IL18R1: variants seen among roughly 807,000 people sequenced by gnomAD.
IL18R1 encodes the protein interleukin 18 receptor 1.
Under a neutral mutation model 48.5 loss-of-function variants are expected in IL18R1, and 40 were observed. That is an observed-to-expected ratio of 0.82 (90% CI 0.64 to 1.07). The LOEUF is 1.07. IL18R1 is among the 50% of genes least tolerant of loss of function. The probability of loss-of-function intolerance (pLI) is 0.00; values close to 1 mark genes in which losing one functional copy is unlikely to be tolerated. For missense variants in IL18R1, 596 were observed against 633.7 expected, an observed-to-expected ratio of 0.94 and a Z score of 0.64; for synonymous variants, 232 against 225.9, an observed-to-expected ratio of 1.03 and a Z score of -0.24.
Position 102,384,897 on chromosome 2 carries a change from C to G in IL18R1, c.708C>G (p.Asn236Lys), listed in dbSNP as rs1268465353. The G allele has an allele frequency of 1.2e-6, 2 of 1,610,200 alleles. No individual in the cohort carries two copies. Among genetic ancestry groups the G allele is most frequent in the Non-Finnish European group, 1.7e-6 (2 of 1,177,700 alleles). The change falls in exon 7 of 11, where the codon AAC becomes AAG. Residue 236 changes from asparagine (N) to lysine (K), a missense_variant. Physicochemically the swap from Asn to Lys is moderately conservative, Grantham distance 94. Around this residue, in one of 3 missense-constraint regions of IL18R1, gnomAD observed 360 missense variants for 339.4 expected, o/e 1.06. Transcript: ENST00000233957. ...TACCAGGAAAAAACGTAAGGCTCAA[C>G]TGCTCTGCTTTGCTGAATGAAGAGG... ...AVELGKNVRL[N>K]CSALLNEEDV...
rs200811959 is a variant in IL18R1, at chr2:102,384,886, G to C, written c.697G>C (p.Val233Leu). 100 of 1,606,796 alleles carry C rather than the reference G, an allele frequency of 6.2e-5. No homozygotes were observed. Among genetic ancestry groups the C allele is most frequent in the Non-Finnish European group, 5.9e-6 (7 of 1,177,324 alleles). Residue 233 changes from valine to leucine, a missense_variant, in exon 7 of 11, where the codon GTA becomes CTA. By Grantham distance (32) the Val-to-Leu change is conservative (BLOSUM62 1). This residue lies in a region of IL18R1 where 360 missense variants were observed against 339.4 expected (regional missense o/e 1.06). Transcript: ENST00000233957. ...NHVAVELGKN[V>L]RLNCSALLNE... is the part of the protein sequence containing the mutation. ...TTGCCAACTTTTACCAGGAAAAAAC[G>C]TAAGGCTCAACTGCTCTGCTTTGCT...
chr2:102,357,905 G>A (rs1478089633), intron 1 of IL18R1, among the ~76,000 whole-genome samples: 1 of 151,942 alleles, frequency 6.6e-6, no homozygotes, highest in Non-Finnish European at 1.5e-5. Flanking sequence ...TGTATGTTAT[G>A]CCCCAAGATC....
chr2:102,375,722 C>A (rs1398659469), intron 4 of IL18R1, among the ~76,000 whole-genome samples, 185 bp from the exon 5 acceptor site: 3 of 152,318 alleles, frequency 2.0e-5, no homozygotes, highest in Middle Eastern at 3.4e-3. Flanking sequence ...ATGCCAACAG[C>A]AATGGGATCG....
intron 1 of IL18R1, among the ~76,000 whole-genome samples, chr2:102,356,779 G>A (rs1678275695): frequency 6.6e-6 from 1 of 152,110 alleles, no homozygotes; most frequent in African/African-American, 2.4e-5. Context: ...AAAGGGAGGA[G>A]GAATTCCGTC....
chr2:102,357,912 G>T (rs1374292249), intron 1 of IL18R1, among the ~76,000 whole-genome samples: 3 of 151,920 alleles, frequency 2.0e-5, no homozygotes, highest in Admixed American at 6.6e-5. Context: ...TATGCCCCAA[G>T]ATCATTTTCT....
At position 102,367,916 on chromosome 2, in the gene IL18R1, A is replaced by G; in HGVS notation, c.150A>G (p.Glu50=). 6.2e-7 allele frequency: 1 copy of G among 1,614,252 alleles called. No homozygotes were observed. The highest frequency in any genetic ancestry group is 8.5e-7 in the Non-Finnish European group (1 of 1,180,030). ...HCSCSLAHEI[E]TTTKSWYKSS... ...CGTGTTCACTTGCACATGAGATTGAAACAACCACCAAAAGCTGGTACAAAA... is the reference window on the plus strand; with the variant it reads ...CGTGTTCACTTGCACATGAGATTGAGACAACCACCAAAAGCTGGTACAAAA... Residue 50 remains glutamate, a synonymous_variant, in exon 3 of 11, where the codon GAA becomes GAG. Transcript: ENST00000233957.
chr2:102,361,280 T>G (rs1678559445), intron 1 of IL18R1, among the ~76,000 whole-genome samples: 1 of 152,214 alleles, frequency 6.6e-6, no homozygotes, highest in Non-Finnish European at 1.5e-5. Context: ...CCCAGTCTAA[T>G]TTGATTATGC....
At chr2:102,361,796 C>G (rs1040527512) in intron 1 of IL18R1, among the ~76,000 whole-genome samples, 3 of 152,106 alleles carry the variant, frequency 2.0e-5, no homozygotes, top group Admixed American at 1.3e-4. Flanking sequence ...TGAATGGTCT[C>G]CACTGTGGGG....
chr2:102,372,170 T>A (rs1276810490), intron 4 of IL18R1, 52 bp downstream of exon 4: 5 of 1,443,028 alleles, frequency 3.5e-6, no homozygotes, highest in Non-Finnish European at 4.7e-6. Flanking sequence ...AAGATAAAAT[T>A]CCCAAATGAG....
intron 6 of IL18R1, among the ~76,000 whole-genome samples, chr2:102,382,567 A>G (rs1679979917): frequency 6.6e-6 from 1 of 152,246 alleles, no homozygotes; most frequent in Admixed American, 6.5e-5. Context: ...GTTGAATTAA[A>G]TCCTCCAAGC....
At chr2:102,385,511 C>T (rs1680174772) in intron 7 of IL18R1, among the ~76,000 whole-genome samples, 1 of 152,154 alleles carries the variant, frequency 6.6e-6, no homozygotes, top group Non-Finnish European at 1.5e-5. Flanking sequence ...TTCTGAATGA[C>T]TTTGGGTCAT....
At chr2:102,358,285 C>T (rs186461006) in intron 1 of IL18R1, among the ~76,000 whole-genome samples, 2 of 152,248 alleles carry the variant, frequency 1.3e-5, no homozygotes, top group African/African-American at 4.8e-5. Context: ...TAAACAAGGG[C>T]AACTGGGCAG....
At chr2:102,386,000 C>T (rs1163393261) in intron 7 of IL18R1, among the ~76,000 whole-genome samples, 2 of 152,150 alleles carry the variant, frequency 1.3e-5, no homozygotes, top group African/African-American at 4.8e-5. Flanking sequence ...TCTCAATGGC[C>T]TCCTGTGTTT....
chr2:102,362,550 GCCAGAAGAT>G, intron 1 of IL18R1, 74 bp from the exon 2 acceptor site: 2 of 802,668 alleles, frequency 2.5e-6, no homozygotes, highest in Admixed American at 5.6e-5. Context: ...AAATCTGTGT[GCCAGAAGAT>G]TTTTAAACCT....
intron 1 of IL18R1, among the ~76,000 whole-genome samples, chr2:102,356,863 C>G (rs73946804): frequency 6.6e-6 from 1 of 152,140 alleles, no homozygotes; most frequent in Non-Finnish European, 1.5e-5. Flanking sequence ...ATTCCAGAGC[C>G]TTTGTCTTTT....
Position 102,390,308 on chromosome 2 carries a change from T to C in IL18R1, c.1111+91T>C, listed in dbSNP as rs903736556. Reference sequence around the variant, plus strand: ...TAATCTTCATCTTATTGTGATGATATTGTAGAATTAATCTGTGGGAGAGGT... The same window carrying C: ...TAATCTTCATCTTATTGTGATGATACTGTAGAATTAATCTGTGGGAGAGGT... On this transcript the variant is annotated intron_variant, in intron 9 of 10. Transcript: ENST00000233957. The C allele has an allele frequency of 3.3e-6, 4 of 1,194,430 alleles. No homozygotes were observed. The African/African-American group carries it at 4.5e-5, about 14-fold the overall frequency. 74.0% of individuals were successfully genotyped at this position (1,194,430 alleles called of 1,614,324 possible).
chr2:102,365,248 G>A (rs1678820110), intron 2 of IL18R1, among the ~76,000 whole-genome samples: 1 of 152,208 alleles, frequency 6.6e-6, no homozygotes, highest in African/African-American at 2.4e-5. Flanking sequence ...TACAATGGGA[G>A]TACAGGCATT....
At chr2:102,362,432 A>T (rs1470106916) in intron 1 of IL18R1, among the ~76,000 whole-genome samples, 2 of 152,228 alleles carry the variant, frequency 1.3e-5, no homozygotes, top group Non-Finnish European at 2.9e-5. Context: ...TTTCTTCCAG[A>T]AGAAAAACTT....
chr2:102,392,412 C>T (rs1680604631), intron 9 of IL18R1, among the ~76,000 whole-genome samples: 1 of 152,050 alleles, frequency 6.6e-6, no homozygotes, highest in African/African-American at 2.4e-5. Context: ...TTTCTTTTTT[C>T]CTTCTCCAGT....
Sources: allele counts gnomAD v4.1 joint callset (sites outside exome capture counted in the v4.1 genomes callset), GRCh38; gene constraint gnomAD v4.1.1; regional missense constraint gnomAD v4.1.1; transcripts MANE v1.5; gene names NCBI Gene and HGNC (gene_info 2026-07-23, HGNC 2026-07-21).